THSD7B: variants seen among roughly 807,000 people sequenced by gnomAD.
THSD7B encodes the protein thrombospondin type-1 domain-containing protein 7B.
A neutral mutation model predicts 213.6 loss-of-function variants in THSD7B; 138 were observed. That is an observed-to-expected ratio of 0.65 (90% CI 0.56 to 0.74). The LOEUF (loss-of-function observed/expected upper bound fraction) is 0.74, where lower values mean the gene tolerates loss of function less well. Among genes scored for constraint, THSD7B ranks in the 30% least tolerant of loss-of-function variants. The probability of loss-of-function intolerance (pLI) is 0.00; values close to 1 mark genes in which losing one functional copy is unlikely to be tolerated. For missense variants in THSD7B, 1,931 were observed against 1,991.5 expected, an observed-to-expected ratio of 0.97 and a Z score of 0.58; for synonymous variants, 742 against 687.0, an observed-to-expected ratio of 1.08 and a Z score of -1.25.
At chr2:137,430,239 C>T (rs889457830) in intron 14 of THSD7B, among the ~76,000 whole-genome samples, 5 of 152,002 alleles carry the variant, frequency 3.3e-5, no homozygotes, top group African/African-American at 9.7e-5. Flanking sequence ...CAGAGCAAGA[C>T]CCTGACTCAA....
intron 7 of THSD7B, among the ~76,000 whole-genome samples, chr2:137,225,028 C>G (rs1328686237): frequency 6.6e-6 from 1 of 151,914 alleles, no homozygotes; most frequent in Non-Finnish European, 1.5e-5. Context: ...TTAGCCTTTG[C>G]TCTATGTTCT....
chr2:137,166,928 C>A (rs924033325), intron 6 of THSD7B, among the ~76,000 whole-genome samples: 3 of 152,076 alleles, frequency 2.0e-5, no homozygotes, highest in Non-Finnish European at 4.4e-5. Context: ...TGACTTCACC[C>A]TATCAGTGTG....
chr2:137,632,124 A>G (rs372234561), intron 20 of THSD7B, among the ~76,000 whole-genome samples: 5 of 152,284 alleles, frequency 3.3e-5, no homozygotes, highest in East Asian at 3.9e-4. Flanking sequence ...TTGTTCCACT[A>G]TGATCGTGTA....
At chr2:137,426,937 A>G (rs574139935) in intron 14 of THSD7B, among the ~76,000 whole-genome samples, 9 of 152,270 alleles carry the variant, frequency 5.9e-5, no homozygotes, top group Admixed American at 5.2e-4. Flanking sequence ...AAAAACTACT[A>G]CAACTCAATA....
intron 1 of THSD7B, among the ~76,000 whole-genome samples, chr2:136,794,546 G>T (rs1006286189): frequency 6.6e-6 from 1 of 151,602 alleles, no homozygotes. Flanking sequence ...ATTCCGCTGG[G>T]GGCAGAGTGC....
At chr2:137,131,065 G>C (rs1424880254) in intron 5 of THSD7B, among the ~76,000 whole-genome samples, 1 of 137,900 alleles carries the variant, frequency 7.3e-6, no homozygotes, top group African/African-American at 2.6e-5. Context: ...TTTAATGATC[G>C]CCATTCTAAC....
At chr2:137,577,146 T>A (rs1184154772) in intron 17 of THSD7B, among the ~76,000 whole-genome samples, 1 of 152,124 alleles carries the variant, frequency 6.6e-6, no homozygotes, top group Non-Finnish European at 1.5e-5. Flanking sequence ...AAATTCTGGT[T>A]GCATGTGCTA....
At chr2:136,985,044 C>G (rs574345996) in intron 2 of THSD7B, among the ~76,000 whole-genome samples, 1 of 151,992 alleles carries the variant, frequency 6.6e-6, no homozygotes, top group African/African-American at 2.4e-5. Context: ...GTGACATGCC[C>G]GCATCTAACA....
At chr2:137,412,845 A>G (rs1686699075) in intron 14 of THSD7B, among the ~76,000 whole-genome samples, 1 of 151,210 alleles carries the variant, frequency 6.6e-6, no homozygotes, top group East Asian at 1.9e-4. Context: ...GCTGAAACCA[A>G]TCATTACAAT....
At chr2:137,497,716 C>G (rs1022242730) in intron 15 of THSD7B, among the ~76,000 whole-genome samples, 1 of 152,050 alleles carries the variant, frequency 6.6e-6, no homozygotes, top group Admixed American at 6.6e-5. Context: ...AGCAGTATAA[C>G]TTAATTTCAA....
chr2:137,511,285 C>G (rs1679956509), intron 15 of THSD7B, among the ~76,000 whole-genome samples: 1 of 152,086 alleles, frequency 6.6e-6, no homozygotes. Context: ...CTGCTAAGTC[C>G]ACACACTCCT....
intron 15 of THSD7B, among the ~76,000 whole-genome samples, chr2:137,457,783 T>G (rs1687791290): frequency 6.6e-6 from 1 of 152,188 alleles, no homozygotes; most frequent in Admixed American, 6.5e-5. Flanking sequence ...TGTGTGTAAA[T>G]TTTTTATACT....
At chr2:137,057,801 C>T (rs569098322) in intron 3 of THSD7B, among the ~76,000 whole-genome samples, 1 of 152,080 alleles carries the variant, frequency 6.6e-6, no homozygotes, top group Non-Finnish European at 1.5e-5. Context: ...TATTAACTTG[C>T]GCAAGCAGTA....
intron 14 of THSD7B, among the ~76,000 whole-genome samples, chr2:137,418,356 C>T (rs151287542): frequency 1.3e-5 from 2 of 152,278 alleles, no homozygotes; most frequent in East Asian, 1.9e-4. Context: ...ATTTTAAAAC[C>T]TCAAATGGCA....
At chr2:137,159,909 T>C (rs1215404112) in intron 5 of THSD7B, among the ~76,000 whole-genome samples, 1 of 152,156 alleles carries the variant, frequency 6.6e-6, no homozygotes, top group African/African-American at 2.4e-5. Flanking sequence ...TTTTAAAAAG[T>C]CATAACTCTA....
intron 12 of THSD7B, among the ~76,000 whole-genome samples, chr2:137,374,497 G>A (rs968216375): frequency 2.0e-5 from 3 of 152,140 alleles, no homozygotes; most frequent in African/African-American, 7.2e-5. Flanking sequence ...AGTTTCCACT[G>A]TGCCATCTTT....
chr2:137,635,220 G>A (rs1407252579), intron 20 of THSD7B, among the ~76,000 whole-genome samples: 1 of 152,132 alleles, frequency 6.6e-6, no homozygotes, highest in Non-Finnish European at 1.5e-5. Context: ...GCTGATGAGT[G>A]CACGAATAGA....
At chr2:137,651,777 A>C (rs1683145692) in intron 21 of THSD7B, among the ~76,000 whole-genome samples, 1 of 151,992 alleles carries the variant, frequency 6.6e-6, no homozygotes, top group South Asian at 2.1e-4. Flanking sequence ...TGTTTTAAGA[A>C]ATTTTTACAT....
intron 25 of THSD7B, among the ~76,000 whole-genome samples, chr2:137,662,997 G>A (rs774770169): frequency 2.7e-4 from 39 of 143,292 alleles, no homozygotes; most frequent in African/African-American, 9.8e-4. Context: ...CCTGGGAGGC[G>A]GAGATTACAA....
Sources: gnomAD v4.1 joint callset for allele counts (sites outside exome capture counted in the v4.1 genomes callset) on GRCh38, gnomAD v4.1.1 for gene constraint, MANE v1.5 for transcripts, NCBI Gene and HGNC (gene_info 2026-07-23, HGNC 2026-07-21) for gene names.